The following DLGAP2 variants were observed in gnomAD, a reference collection of about 807,000 sequenced individuals.
The protein encoded by DLGAP2 is disks large-associated protein 2.
DLGAP2 carries 26 observed loss-of-function variants against 100.3 expected under a neutral mutation model. That is an observed-to-expected ratio of 0.26 (90% CI 0.19 to 0.36). The LOEUF (loss-of-function observed/expected upper bound fraction) is 0.36, where lower values mean the gene tolerates loss of function less well. Ranked by LOEUF, DLGAP2 falls within the 10% of genes least tolerant of loss-of-function variation. DLGAP2 has a pLI of 1.00. For synonymous variants in DLGAP2, 886 were observed against 630.1 expected (o/e 1.41, Z -6.08); for missense variants, 1,858 against 1,453.2 (o/e 1.28, Z -4.53).
intron 1 of DLGAP2, among the ~76,000 whole-genome samples, chr8:880,314 C>A (rs1317897728): frequency 6.6e-6 from 1 of 152,192 alleles, no homozygotes; most frequent in South Asian, 2.1e-4. Flanking sequence ...CGAGGCCATG[C>A]GTCTTCTAGA....
chr8:1,120,174 C>T (rs896266204), intron 2 of DLGAP2, among the ~76,000 whole-genome samples: 3 of 152,112 alleles, frequency 2.0e-5, no homozygotes, highest in African/African-American at 4.8e-5. Flanking sequence ...GCTAAGGGTT[C>T]AGCCCCTTCA....
chr8:947,695 G>T (rs1270238130), intron 2 of DLGAP2, among the ~76,000 whole-genome samples: 1 of 152,194 alleles, frequency 6.6e-6, no homozygotes, highest in Non-Finnish European at 1.5e-5. Flanking sequence ...CCTGCCCACG[G>T]CTCCGGGAAG....
chr8:824,959 G>T lies in DLGAP2; in HGVS notation c.19-82953G>T, dbSNP rs143377682. ...GATAGGAGACAGAGATTTTGAGAGG[G>T]GCCGCCCCACCTCCGTGGCGGTCTT... On this transcript the variant is annotated intron_variant, in intron 1 of 14. Coordinates refer to ENST00000637795, the MANE Select transcript of DLGAP2 (RefSeq NM_001346810.2). 6.7e-3 allele frequency among the ~76,000 whole-genome samples: 1,018 copies of T among 152,258 alleles called. 11 individuals are homozygous for T. Among genetic ancestry groups the T allele is most frequent in the Admixed American group, 0.011 (167 of 15,298 alleles).
chr8:1,553,164 C>G (rs1358961674), intron 5 of DLGAP2, among the ~76,000 whole-genome samples: 1 of 152,158 alleles, frequency 6.6e-6, no homozygotes. Context: ...CCGGCAGCCC[C>G]TCCAGCCCTC....
intron 2 of DLGAP2, among the ~76,000 whole-genome samples, chr8:1,247,809 T>G (rs1444723785): frequency 6.4e-4 from 2 of 3,120 alleles, no homozygotes; most frequent in East Asian, 2.4e-3. Context: ...GATCAGTGTG[T>G]GAGTCTGATG....
intron 3 of DLGAP2, among the ~76,000 whole-genome samples, chr8:1,274,641 A>T (rs1377528202): frequency 1.3e-5 from 2 of 149,882 alleles, no homozygotes; most frequent in East Asian, 3.9e-4. Flanking sequence ...TAGAACATAA[A>T]CCATAAAATG....
chr8:948,620 G>A (rs1456122040), intron 2 of DLGAP2, among the ~76,000 whole-genome samples: 1 of 152,262 alleles, frequency 6.6e-6, no homozygotes, highest in Non-Finnish European at 1.5e-5. Flanking sequence ...CGCCGTGGAA[G>A]GCGAGGCTGC....
chr8:1,538,114 G>A (rs1030531199), intron 4 of DLGAP2, among the ~76,000 whole-genome samples: 9 of 152,140 alleles, frequency 5.9e-5, no homozygotes, highest in East Asian at 1.9e-4. Context: ...TGGGGCTGCC[G>A]AGGCACTCAT....
At chr8:1,261,818 G>T (rs1463652136) in intron 3 of DLGAP2, among the ~76,000 whole-genome samples, 1 of 152,210 alleles carries the variant, frequency 6.6e-6, no homozygotes, top group African/African-American at 2.4e-5. Context: ...GCAGAGAGTG[G>T]AATCTGAAAT....
At chr8:1,411,499 G>A (rs536016354) in intron 3 of DLGAP2, among the ~76,000 whole-genome samples, 7 of 152,184 alleles carry the variant, frequency 4.6e-5, no homozygotes, top group Non-Finnish European at 1.0e-4. Context: ...CGGCTCCCTA[G>A]CCTGGTGACA....
chr8:1,192,386 G>T (rs1275865209), intron 2 of DLGAP2, among the ~76,000 whole-genome samples: 1 of 152,210 alleles, frequency 6.6e-6, no homozygotes, highest in Non-Finnish European at 1.5e-5. Context: ...CTGATTAACA[G>T]ATGGATCACC....
intron 1 of DLGAP2, chr8:891,451 G>C (rs941030239): frequency 6.6e-6 from 1 of 152,388 alleles, no homozygotes; most frequent in African/African-American, 2.4e-5. Context: ...GTCGGAAGCT[G>C]TTCTCTTGGG....
intron 3 of DLGAP2, among the ~76,000 whole-genome samples, chr8:1,500,289 C>A (rs1245667828): frequency 6.6e-6 from 1 of 152,216 alleles, no homozygotes; most frequent in African/African-American, 2.4e-5. Context: ...GGCAGAGCCT[C>A]CCTGAGATCC....
At chr8:1,194,163 G>C (rs990117864) in intron 2 of DLGAP2, among the ~76,000 whole-genome samples, 2 of 152,066 alleles carry the variant, frequency 1.3e-5, no homozygotes, top group African/African-American at 4.8e-5. Flanking sequence ...TGAGGGGCGG[G>C]GGAATTTTAA....
At chr8:1,570,076 A>G (rs1332934308) in intron 6 of DLGAP2, among the ~76,000 whole-genome samples, 1 of 152,248 alleles carries the variant, frequency 6.6e-6, no homozygotes, top group African/African-American at 2.4e-5. Flanking sequence ...GTTTCCAGGA[A>G]ACAAGGGCAC....
At chr8:1,555,387 C>G (rs1801929284) in intron 5 of DLGAP2, among the ~76,000 whole-genome samples, 1 of 152,218 alleles carries the variant, frequency 6.6e-6, no homozygotes, top group Non-Finnish European at 1.5e-5. Flanking sequence ...GTTCCCTGTC[C>G]TGTGGCCCAG....
At chr8:1,326,109 T>G (rs939544916) in intron 3 of DLGAP2, among the ~76,000 whole-genome samples, 7 of 152,212 alleles carry the variant, frequency 4.6e-5, no homozygotes, top group African/African-American at 1.7e-4. Context: ...CTTCGATGGT[T>G]TCTTGACTTG....
intron 2 of DLGAP2, among the ~76,000 whole-genome samples, chr8:978,796 C>T (rs1321038990): frequency 6.6e-6 from 1 of 152,126 alleles, no homozygotes; most frequent in Non-Finnish European, 1.5e-5. Flanking sequence ...GAAGACTTTT[C>T]AAACAGCTTA....
At chr8:941,831 G>C (rs994396088) in intron 2 of DLGAP2, among the ~76,000 whole-genome samples, 2 of 145,430 alleles carry the variant, frequency 1.4e-5, no homozygotes, top group Non-Finnish European at 3.0e-5. Flanking sequence ...TTTTTTTTTT[G>C]AAAATCCTCC....
Sources: allele counts gnomAD v4.1 joint callset (sites outside exome capture counted in the v4.1 genomes callset), GRCh38; gene constraint gnomAD v4.1.1; transcripts MANE v1.5; gene names NCBI Gene and HGNC (gene_info 2026-07-23, HGNC 2026-07-21).